Variants in EXT1 observed in about 807,000 individuals in gnomAD.
The protein encoded by EXT1 is exostosin glycosyltransferase 1.
Under a neutral mutation model 82.5 loss-of-function variants are expected in EXT1, and 20 were observed. That is an observed-to-expected ratio of 0.24 (90% CI 0.17 to 0.35). EXT1 has a LOEUF of 0.35. Ranked by LOEUF, EXT1 falls within the 10% of genes least tolerant of loss-of-function variation. The pLI, the probability that EXT1 is intolerant of heterozygous loss-of-function variation, is 1.00. For missense variants in EXT1, 757 were observed against 936.5 expected, an observed-to-expected ratio of 0.81 and a Z score of 2.50; for synonymous variants, 348 against 350.8, an observed-to-expected ratio of 0.99 and a Z score of 0.09.
chr8:117,904,341 A>G (rs1275804892), intron 1 of EXT1, among the ~76,000 whole-genome samples: 2 of 152,218 alleles, frequency 1.3e-5, no homozygotes, highest in Non-Finnish European at 2.9e-5. Flanking sequence ...TATGTTTAAC[A>G]AAGAATGAAG....
chr8:118,009,482 C>T (rs1211848059), intron 1 of EXT1, among the ~76,000 whole-genome samples: 1 of 145,156 alleles, frequency 6.9e-6, no homozygotes, highest in Admixed American at 7.3e-5. Context: ...CAGTGGCCAA[C>T]ATTTCCAGAC....
intron 1 of EXT1, among the ~76,000 whole-genome samples, chr8:118,096,596 AAAGG>A (rs145028080): frequency 0.025 from 2,972 of 118,846 alleles, 141 homozygotes; most frequent in African/African-American, 0.079. Context: ...CTCCGTCAAG[AAAGG>A]AAGGAAGGAA....
At chr8:117,997,121 T>C (rs147993790) in intron 1 of EXT1, among the ~76,000 whole-genome samples, 6 of 152,072 alleles carry the variant, frequency 3.9e-5, no homozygotes, top group Non-Finnish European at 7.4e-5. Flanking sequence ...AAATCCTCAA[T>C]TGCAATGAAG....
rs1022454536 is a variant in EXT1 at position 118,111,560 on chromosome 8, T to A, written c.-514A>T. The A allele has an allele frequency of 4.6e-6, 2 of 434,812 alleles. No individual in the cohort carries two copies. The highest frequency in any genetic ancestry group is 8.1e-6 in the Non-Finnish European group (2 of 246,834). The allele number at this position is 434,812 out of a possible 1,614,324, so 26.9% of individuals were successfully genotyped here. A position where few individuals can be genotyped will look rare whatever the true frequency, so the allele number is the denominator to read the frequency against. On this transcript the variant is annotated 5_prime_UTR_variant, in exon 1 of 11. The change abolishes an upstream ATG in the 5' untranslated region. Coordinates refer to ENST00000378204, the MANE Select transcript of EXT1 (RefSeq NM_000127.3). ...ATCCCGGGTTCAGCCGGCTAGTGCA[T>A]CTTGCAGCTGGGGCGCCGTAACCTC... is the stretch of plus-strand genomic sequence containing the variant.
intron 1 of EXT1, among the ~76,000 whole-genome samples, chr8:117,971,821 T>C (rs908237205): frequency 1.3e-5 from 2 of 152,212 alleles, no homozygotes; most frequent in African/African-American, 4.8e-5. Flanking sequence ...TTTTTAGTTA[T>C]ATGCCAATGC....
chr8:117,998,357 T>G (rs1242498940), intron 1 of EXT1, among the ~76,000 whole-genome samples: 1 of 152,188 alleles, frequency 6.6e-6, no homozygotes, highest in Non-Finnish European at 1.5e-5. Flanking sequence ...TTACCCAGGC[T>G]GGAGTACAGT....
At chr8:118,010,147 C>A (rs17505185) in intron 1 of EXT1, among the ~76,000 whole-genome samples, 2 of 151,770 alleles carry the variant, frequency 1.3e-5, no homozygotes, top group African/African-American at 2.4e-5. Context: ...CAGAGGCGGG[C>A]GGATCACGAG....
chr8:117,875,905 C>A (rs1812961638), intron 1 of EXT1, among the ~76,000 whole-genome samples: 1 of 152,070 alleles, frequency 6.6e-6, no homozygotes, highest in South Asian at 2.1e-4. Flanking sequence ...AAATTCAAAC[C>A]CTCCAGGCAG....
At chr8:117,983,774 G>C (rs1815256295) in intron 1 of EXT1, among the ~76,000 whole-genome samples, 1 of 152,194 alleles carries the variant, frequency 6.6e-6, no homozygotes, top group Admixed American at 6.5e-5. Flanking sequence ...TGTTTCTAGA[G>C]CTAACAATAA....
At chr8:117,873,832 T>C (rs1428348189) in intron 1 of EXT1, among the ~76,000 whole-genome samples, 2 of 152,210 alleles carry the variant, frequency 1.3e-5, no homozygotes, top group African/African-American at 4.8e-5. Flanking sequence ...TCAACATTCA[T>C]ATAAAAAATG....
chr8:118,002,469 C>T (rs1815690060), intron 1 of EXT1, among the ~76,000 whole-genome samples: 1 of 147,120 alleles, frequency 6.8e-6, no homozygotes, highest in African/African-American at 2.5e-5. Context: ...ATGAGATTTA[C>T]ACTGTTGGTG....
intron 1 of EXT1, among the ~76,000 whole-genome samples, chr8:117,839,998 C>T (rs1418808886): frequency 6.6e-6 from 1 of 152,128 alleles, no homozygotes; most frequent in East Asian, 1.9e-4. Context: ...TTATAGAAGG[C>T]CGACCTTTCA....
chr8:118,033,760 G>A (rs555016669), intron 1 of EXT1, among the ~76,000 whole-genome samples: 2 of 152,294 alleles, frequency 1.3e-5, no homozygotes, highest in East Asian at 3.9e-4. Flanking sequence ...GATTACAGGT[G>A]TGAGCCATCA....
At chr8:117,806,194 G>T (rs1377273373) in intron 9 of EXT1, among the ~76,000 whole-genome samples, 2 of 152,222 alleles carry the variant, frequency 1.3e-5, no homozygotes, top group African/African-American at 2.4e-5. Context: ...TCCTAATAGG[G>T]CTTCTGCTTC....
chr8:118,035,572 C>T (rs1487324903), intron 1 of EXT1, among the ~76,000 whole-genome samples: 1 of 151,866 alleles, frequency 6.6e-6, no homozygotes, highest in Non-Finnish European at 1.5e-5. Flanking sequence ...AATAATTTTA[C>T]ATGTAAGTTC....
chr8:117,997,192 A>C (rs1234970912), intron 1 of EXT1, among the ~76,000 whole-genome samples: 1 of 151,262 alleles, frequency 6.6e-6, no homozygotes, highest in South Asian at 2.1e-4. Context: ...TAAAGTGGAG[A>C]TGCTCAAATT....
At chr8:117,961,645 T>C (rs1051725107) in intron 1 of EXT1, among the ~76,000 whole-genome samples, 3 of 152,232 alleles carry the variant, frequency 2.0e-5, no homozygotes, top group African/African-American at 7.2e-5. Context: ...AGAATTCATA[T>C]ATAAAGTGAG....
At chr8:118,001,987 G>T (rs1815676525) in intron 1 of EXT1, among the ~76,000 whole-genome samples, 1 of 152,086 alleles carries the variant, frequency 6.6e-6, no homozygotes, top group African/African-American at 2.4e-5. Context: ...CTTATCAAAA[G>T]AAATTAAACC....
At chr8:117,837,547 A>C (rs1236288151) in intron 1 of EXT1, among the ~76,000 whole-genome samples, 1 of 152,228 alleles carries the variant, frequency 6.6e-6, no homozygotes, top group East Asian at 1.9e-4. Flanking sequence ...AAAAAGAAGA[A>C]GAGAAAATTA....
Sources: allele counts gnomAD v4.1 joint callset (sites outside exome capture counted in the v4.1 genomes callset), GRCh38; gene constraint gnomAD v4.1.1; transcripts MANE v1.5; gene names NCBI Gene and HGNC (gene_info 2026-07-23, HGNC 2026-07-21).